TCF4: variants seen among roughly 807,000 people sequenced by gnomAD.
TCF4 encodes the protein SL3-3 enhancer factor 2.
A neutral mutation model predicts 82.1 loss-of-function variants in TCF4; 3 were observed. That is an observed-to-expected ratio of 0.04 (90% CI 0.02 to 0.09). The LOEUF is 0.09. Ranked by LOEUF, TCF4 falls within the 10% of genes least tolerant of loss-of-function variation. The probability of loss-of-function intolerance (pLI) is 1.00; values close to 1 mark genes in which losing one functional copy is unlikely to be tolerated. For synonymous variants in TCF4, 276 were observed against 309.6 expected (o/e 0.89, Z 1.14); for missense variants, 518 against 852.7 (o/e 0.61, Z 4.89).
intron 3 of TCF4, chr18:55,550,452 T>C (rs879925167): frequency 2.1e-4 from 32 of 152,180 alleles, no homozygotes; most frequent in African/African-American, 5.5e-4. Context: ...CTGTTGCTGA[T>C]TGGGATCACA....
intron 8 of TCF4, among the ~76,000 whole-genome samples, chr18:55,323,029 T>C (rs914812807): frequency 9.2e-5 from 14 of 152,224 alleles, no homozygotes; most frequent in Admixed American, 3.3e-4. Flanking sequence ...AACTGAACAA[T>C]AGAATCCTTA....
At chr18:55,569,118 C>T (rs751353196) in intron 3 of TCF4, among the ~76,000 whole-genome samples, 2 of 151,422 alleles carry the variant, frequency 1.3e-5, no homozygotes, top group Non-Finnish European at 2.9e-5. Context: ...ATCAACATCA[C>T]TATTCATGGT....
chr18:55,288,630 A>G (rs2146522827), intron 8 of TCF4, among the ~76,000 whole-genome samples: 1 of 152,318 alleles, frequency 6.6e-6, no homozygotes, highest in South Asian at 2.1e-4. Context: ...TTAGCAGCCT[A>G]GGGCTGTTTT....
chr18:55,549,056 T>C (rs952036438), intron 3 of TCF4, among the ~76,000 whole-genome samples: 2 of 152,130 alleles, frequency 1.3e-5, no homozygotes, highest in African/African-American at 4.8e-5. Context: ...ATCTCAGCAC[T>C]TTAGGAGGTC....
chr18:55,264,165 A>G (rs2058624770), intron 11 of TCF4, among the ~76,000 whole-genome samples: 1 of 152,188 alleles, frequency 6.6e-6, no homozygotes, highest in Non-Finnish European at 1.5e-5. Flanking sequence ...CTAACTAAAC[A>G]TTCTATCAGT....
At chr18:55,290,576 A>C (rs1737988259) in intron 8 of TCF4, among the ~76,000 whole-genome samples, 1 of 152,196 alleles carries the variant, frequency 6.6e-6, no homozygotes, top group Non-Finnish European at 1.5e-5. Context: ...CAGTACAAAG[A>C]AAAATGCTAA....
intron 4 of TCF4, among the ~76,000 whole-genome samples, chr18:55,461,562 T>C (rs763060412): frequency 4.0e-4 from 61 of 151,968 alleles, no homozygotes; most frequent in Non-Finnish European, 7.1e-4. Context: ...AACAATAACA[T>C]TTGGTGTTAG....
chr18:55,513,701 C>T (rs888123863), intron 3 of TCF4, among the ~76,000 whole-genome samples: 2 of 151,952 alleles, frequency 1.3e-5, no homozygotes, highest in African/African-American at 4.8e-5. Context: ...TATGATTTTG[C>T]TTTCTCATAT....
At chr18:55,511,405 G>T (rs1014703026) in intron 3 of TCF4, among the ~76,000 whole-genome samples, 1 of 148,090 alleles carries the variant, frequency 6.8e-6, no homozygotes, top group African/African-American at 2.5e-5. Flanking sequence ...TTTTAATAAG[G>T]TATATGTTTT....
intron 5 of TCF4, among the ~76,000 whole-genome samples, chr18:55,456,192 T>C (rs2095750078): frequency 6.6e-6 from 1 of 152,206 alleles, no homozygotes; most frequent in African/African-American, 2.4e-5. Flanking sequence ...AATCAAAATA[T>C]CAACCGCTAA....
chr18:55,327,270 TATACTTATCTGAAGTAAATCC>T (rs558357079), intron 8 of TCF4, among the ~76,000 whole-genome samples: 3,463 of 152,210 alleles, frequency 0.023, 67 homozygotes, highest in Non-Finnish European at 0.035. Flanking sequence ...AAGTAGAAAA[TATACTTATCTGAAGTAAATCC>T]ATATTACACC....
At chr18:55,417,152 A>C (rs1336816941) in intron 5 of TCF4, among the ~76,000 whole-genome samples, 1 of 152,166 alleles carries the variant, frequency 6.6e-6, no homozygotes, top group Non-Finnish European at 1.5e-5. Context: ...TTTTTTATCA[A>C]AGTTTAAATG....
chr18:55,254,842 T>A (rs1266234705), intron 14 of TCF4, 142 bp from the exon 15 acceptor site: 7 of 809,266 alleles, frequency 8.6e-6, no homozygotes, highest in Non-Finnish European at 1.4e-5. Flanking sequence ...AAAACAATAA[T>A]ACAAATAGTG....
At position 55,226,070 on chromosome 18, in the gene TCF4, AAG is replaced by A. The variant is rs1275153314; in HGVS notation, c.*1963_*1964del. The A allele has an allele frequency of 6.6e-6, 1 of 152,610 alleles. No homozygotes were observed. The highest frequency in any genetic ancestry group is 1.5e-5 in the Non-Finnish European group (1 of 68,006). The allele number at this position is 152,610 out of a possible 1,614,324, so 9.5% of individuals were successfully genotyped here. ...ACAATGTATTAAAACACATAATAAC[AAG>A]AGTCTACATGTAAAAATATAACTTT... On this transcript the variant is annotated 3_prime_UTR_variant, in exon 20 of 20. Transcript: ENST00000354452.
intron 8 of TCF4, among the ~76,000 whole-genome samples, chr18:55,310,191 A>C (rs2071853784): frequency 6.6e-6 from 1 of 152,202 alleles, no homozygotes; most frequent in African/African-American, 2.4e-5. Flanking sequence ...CAAGCTGGAC[A>C]GGGAAACAGG....
intron 5 of TCF4, among the ~76,000 whole-genome samples, chr18:55,443,406 A>G (rs998582660): frequency 3.3e-5 from 5 of 152,166 alleles, no homozygotes; most frequent in African/African-American, 1.2e-4. Flanking sequence ...TCAATCTATC[A>G]TTAGTGTTAA....
chr18:55,585,229 A>T lies in TCF4; in HGVS notation c.145+51T>A, dbSNP rs377365387. On this transcript the variant is annotated intron_variant, in intron 3 of 19. Coordinates refer to ENST00000354452, the MANE Select transcript of TCF4 (RefSeq NM_001083962.2). ...AGAGCCAAAAACATACAATTGAGTAAATAAACAGCCCAGAACATTTAACTT... is the reference window on the plus strand; with the variant it reads ...AGAGCCAAAAACATACAATTGAGTATATAAACAGCCCAGAACATTTAACTT... The T allele has an allele frequency of 1.9e-6, 3 of 1,548,548 alleles. No individual in the cohort carries two copies. The African/African-American group carries it at 4.1e-5, about 21-fold the overall frequency.
intron 3 of TCF4, among the ~76,000 whole-genome samples, chr18:55,502,299 A>G (rs1311445804): frequency 6.6e-6 from 1 of 152,174 alleles, no homozygotes; most frequent in African/African-American, 2.4e-5. Flanking sequence ...CTAAATTTAG[A>G]TATCTAAAGT....
chr18:55,417,415 G>C (rs1243885400), intron 5 of TCF4, among the ~76,000 whole-genome samples: 1 of 152,132 alleles, frequency 6.6e-6, no homozygotes, highest in Non-Finnish European at 1.5e-5. Context: ...CATTGGATTA[G>C]GGCATTTAAA....
Sources: gnomAD v4.1 joint callset for allele counts (sites outside exome capture counted in the v4.1 genomes callset) on GRCh38, gnomAD v4.1.1 for gene constraint, MANE v1.5 for transcripts, NCBI Gene and HGNC (gene_info 2026-07-23, HGNC 2026-07-21) for gene names.